Variants in DIS3L2 observed in about 807,000 individuals in gnomAD.
DIS3L2 encodes DIS3-like exonuclease 2.
Under a neutral mutation model 97.5 loss-of-function variants are expected in DIS3L2, and 34 were observed. The observed-to-expected ratio is 0.35, with a 90% CI of 0.27 to 0.46. DIS3L2 has a LOEUF of 0.46. DIS3L2 is among the 20% of genes least tolerant of loss of function. The pLI is 1.00. For missense variants in DIS3L2, 1,038 were observed against 1,146.0 expected (o/e 0.91, Z 1.36); for synonymous variants, 435 against 445.2 (o/e 0.98, Z 0.29).
chr2:232,142,693 G>A (rs1476645329), intron 8 of DIS3L2, among the ~76,000 whole-genome samples: 2 of 151,990 alleles, frequency 1.3e-5, no homozygotes, highest in Non-Finnish European at 2.9e-5. Context: ...TATTCCTTAA[G>A]TGCTACTTTC....
intron 6 of DIS3L2, among the ~76,000 whole-genome samples, chr2:232,103,068 TG>T (rs1471390077): frequency 6.6e-6 from 1 of 152,146 alleles, no homozygotes; most frequent in Non-Finnish European, 1.5e-5. Context: ...TTTGTAAACA[TG>T]ATTGTTTTTA....
At chr2:232,107,258 A>C (rs1697381369) in intron 6 of DIS3L2, among the ~76,000 whole-genome samples, 1 of 152,212 alleles carries the variant, frequency 6.6e-6, no homozygotes, top group Non-Finnish European at 1.5e-5. Flanking sequence ...CCAAGATCAG[A>C]GCTGAACTGA....
intron 1 of DIS3L2, among the ~76,000 whole-genome samples, chr2:232,012,822 G>A (rs865960227): frequency 2.6e-5 from 4 of 152,064 alleles, no homozygotes; most frequent in African/African-American, 4.8e-5. Context: ...TTGCTTGTTC[G>A]TTCCTTGTCC....
At chr2:232,306,070 G>C (rs939389361) in intron 14 of DIS3L2, among the ~76,000 whole-genome samples, 1 of 152,226 alleles carries the variant, frequency 6.6e-6, no homozygotes, top group Non-Finnish European at 1.5e-5. Flanking sequence ...CCAAGACCCA[G>C]GGAGGTTCAT....
chr2:232,090,256 A>G (rs1696798369), intron 6 of DIS3L2, among the ~76,000 whole-genome samples: 1 of 152,046 alleles, frequency 6.6e-6, no homozygotes, highest in Non-Finnish European at 1.5e-5. Flanking sequence ...CTTACAAGTA[A>G]ATATCACTGA....
chr2:232,329,789 T>TGGCCACC, intron 14 of DIS3L2, 24 bp from the exon 15 acceptor site: 1 of 368,622 alleles, frequency 2.7e-6, no homozygotes, highest in Non-Finnish European at 5.1e-6. Context: ...CAGCGGTCCC[T>TGGCCACC]CCCATCCCAC....
At chr2:232,163,836 G>C (rs560277053) in intron 9 of DIS3L2, among the ~76,000 whole-genome samples, 3 of 152,248 alleles carry the variant, frequency 2.0e-5, no homozygotes, top group African/African-American at 4.8e-5. Context: ...CATGAGCTAA[G>C]AATGGTTTTT....
chr2:232,057,115 A>T (rs1234127059), intron 5 of DIS3L2, among the ~76,000 whole-genome samples: 1 of 152,236 alleles, frequency 6.6e-6, no homozygotes, highest in Non-Finnish European at 1.5e-5. Flanking sequence ...GCAGCAATTA[A>T]GTATGAATCT....
chr2:232,022,158 A>G lies in DIS3L2; in HGVS notation c.211-2119A>G, dbSNP rs1179333891. Among the ~76,000 whole-genome samples the G allele has an allele frequency of 2.0e-5, 3 of 152,166 alleles. No homozygotes were observed. The East Asian group carries it at 5.8e-4, about 29-fold the overall frequency. ...AAATGCCAGCTGCTTCTCTCAGGCT[A>G]TAGGAACAACTCTGGTCTGCTGCGG... On this transcript the variant is annotated intron_variant, in intron 3 of 20. Transcript: ENST00000325385.
chr2:232,309,554 G>C (rs2106329212), intron 14 of DIS3L2, among the ~76,000 whole-genome samples: 1 of 152,204 alleles, frequency 6.6e-6, no homozygotes, highest in Admixed American at 6.5e-5. Context: ...TGTTGCCCAA[G>C]CTGGTCTCAA....
At chr2:232,120,805 C>T (rs1697877746) in intron 6 of DIS3L2, among the ~76,000 whole-genome samples, 1 of 149,442 alleles carries the variant, frequency 6.7e-6, no homozygotes, top group Non-Finnish European at 1.5e-5. Flanking sequence ...CTCCTCCCCT[C>T]CTGCATTTAT....
intron 10 of DIS3L2, among the ~76,000 whole-genome samples, chr2:232,231,658 C>T (rs937323949): frequency 6.6e-6 from 1 of 152,238 alleles, no homozygotes. Context: ...TGGGTGCTCT[C>T]TTGCAGACCT....
chr2:232,176,910 T>G (rs1357977843), intron 9 of DIS3L2, among the ~76,000 whole-genome samples: 2 of 148,342 alleles, frequency 1.3e-5, no homozygotes, highest in African/African-American at 2.5e-5. Context: ...ACCCACTAAC[T>G]CGTCATCTAG....
chr2:232,221,243 A>G (rs1692499252), intron 10 of DIS3L2, among the ~76,000 whole-genome samples: 1 of 152,174 alleles, frequency 6.6e-6, no homozygotes, highest in Admixed American at 6.5e-5. Flanking sequence ...AGTCAACTTT[A>G]TATGTAGATT....
chr2:232,039,611 T>C (rs1024388581), intron 5 of DIS3L2, among the ~76,000 whole-genome samples: 2 of 152,240 alleles, frequency 1.3e-5, no homozygotes, highest in Non-Finnish European at 2.9e-5. Context: ...TTTACTCTTA[T>C]ATAACTCTTC....
intron 1 of DIS3L2, among the ~76,000 whole-genome samples, chr2:231,985,770 T>C (rs1693393893): frequency 6.6e-6 from 1 of 152,224 alleles, no homozygotes; most frequent in Non-Finnish European, 1.5e-5. Context: ...GAATTAAGGA[T>C]ATTTTCTTAC....
rs373488862 is a variant in DIS3L2 at position 232,163,541 on chromosome 2, T to C, written c.1033T>C (p.Ser345Pro). Residue 345 changes from serine (S) to proline (P), a missense_variant, in exon 9 of 21, where the codon TCT becomes CCT. This residue lies in a region of DIS3L2 where 813 missense variants were observed against 880.1 expected (regional missense o/e 0.92). Transcript: ENST00000325385. Reference protein sequence around the residue: ...GILTEYGVDFSDFSSEVLECL... With the variant: ...GILTEYGVDFPDFSSEVLECL... Reference sequence around the variant, plus strand: ...ACTAACAGAGTATGGCGTGGATTTCTCTGATTTCTCTTCAGAAGTTCTAGA... The same window carrying C: ...ACTAACAGAGTATGGCGTGGATTTCCCTGATTTCTCTTCAGAAGTTCTAGA... 2.5e-5 allele frequency: 40 copies of C among 1,614,180 alleles called. No individual in the cohort carries two copies. The African/African-American group carries it at 5.3e-4, about 22-fold the overall frequency.
chr2:232,243,644 A>T (rs374369778), intron 11 of DIS3L2, among the ~76,000 whole-genome samples: 25 of 152,360 alleles, frequency 1.6e-4, no homozygotes, highest in African/African-American at 5.0e-4. Flanking sequence ...GCCTAGTGCC[A>T]AATGGACATT....
chr2:232,122,723 CAAA>C (rs140654519), intron 6 of DIS3L2, among the ~76,000 whole-genome samples: 16,308 of 151,700 alleles, frequency 0.11, 1,066 homozygotes, highest in African/African-American at 0.18. Flanking sequence ...ATCTCAAAAA[CAAA>C]AAACAAAAAC....
Sources: gnomAD v4.1 joint callset for allele counts (sites outside exome capture counted in the v4.1 genomes callset) on GRCh38, gnomAD v4.1.1 for gene constraint, gnomAD v4.1.1 regional missense constraint, MANE v1.5 for transcripts, NCBI Gene and HGNC (gene_info 2026-07-23, HGNC 2026-07-21) for gene names.